Variants in KCNQ1 observed in about 807,000 individuals in gnomAD.
The protein encoded by KCNQ1 is potassium voltage-gated channel subfamily KQT member 1.
Under a neutral mutation model 72.4 loss-of-function variants are expected in KCNQ1, and 49 were observed. The observed-to-expected ratio is 0.68, with a 90% confidence interval of 0.54 to 0.86. The LOEUF is 0.86. KCNQ1 is among the 40% of genes least tolerant of loss of function. The probability of loss-of-function intolerance (pLI) is 0.00; values close to 1 mark genes in which losing one functional copy is unlikely to be tolerated. For synonymous variants in KCNQ1, 450 were observed against 412.6 expected (o/e 1.09, Z -1.10); for missense variants, 790 against 945.1 (o/e 0.84, Z 2.15).
In KCNQ1 at chr11:2,769,651, C is replaced by T. The variant is rs548628946; in HGVS notation, c.1590+732C>T. ...GGTACTGAGTCCTGGCTTGGAAATA[C>T]ATGTGTAGGTGTGGGAACCCCGTAT... On this transcript the variant is annotated intron_variant, in intron 12 of 15. Transcript: ENST00000155840. This position sits in a 1 kb window ranked among gnomAD's most constrained non-coding sequence, Gnocchi z 4.6. 1.3e-5 allele frequency among the ~76,000 whole-genome samples: 2 copies of T among 152,204 alleles called. No individual in the cohort carries two copies. Among genetic ancestry groups the T allele is most frequent in the Admixed American group, 6.5e-5 (1 of 15,284 alleles).
chr11:2,662,499 AG>A (rs1849980049), intron 11 of KCNQ1: 1 of 445,456 alleles, frequency 2.2e-6, no homozygotes, highest in Non-Finnish European at 3.9e-6. Flanking sequence ...TGCTGTCCTC[AG>A]GGGCTCCTTC....
intron 15 of KCNQ1, among the ~76,000 whole-genome samples, chr11:2,795,201 T>C (rs1419701185): frequency 6.6e-6 from 1 of 152,112 alleles, no homozygotes; most frequent in Non-Finnish European, 1.5e-5. Context: ...ACCTCTCGGG[T>C]GCTGTAGGGA....
intron 15 of KCNQ1, among the ~76,000 whole-genome samples, chr11:2,810,858 A>G (rs1847470715): frequency 6.6e-6 from 1 of 152,114 alleles, no homozygotes; most frequent in African/African-American, 2.4e-5. Flanking sequence ...CTTGGGCTCG[A>G]GGTACAGGGC....
chr11:2,618,668 GT>G, intron 10 of KCNQ1: 2 of 398,414 alleles, frequency 5.0e-6, no homozygotes, highest in Non-Finnish European at 4.4e-6. Context: ...TCAGAATTTC[GT>G]TGGCTACTTA....
At chr11:2,528,651 C>T (rs1315050561) in intron 2 of KCNQ1, among the ~76,000 whole-genome samples, 3 of 152,218 alleles carry the variant, frequency 2.0e-5, no homozygotes, top group Non-Finnish European at 4.4e-5. Context: ...GAATGTGGGC[C>T]GTGAGCAGCA....
In KCNQ1 at chr11:2,599,267, C is replaced by T. The variant is rs1439878341; in HGVS notation, c.1393+10413C>T. 6.6e-6 allele frequency among the ~76,000 whole-genome samples: 1 copy of T among 152,112 alleles called. No individual in the cohort carries two copies. The highest frequency in any genetic ancestry group is 1.5e-5 in the Non-Finnish European group (1 of 68,032). On this transcript the variant is annotated intron_variant, in intron 10 of 15. Coordinates refer to ENST00000155840, the MANE Select transcript of KCNQ1 (RefSeq NM_000218.3). The surrounding 1 kb of genome is among the most constrained non-coding windows in gnomAD (Gnocchi z 4.7). The stretch of plus-strand genomic sequence containing the variant: ...CCAAACTCACGGGATCATATCATAC[C>T]TGCTTTCTGCATCTTGTTTTTCTCA...
rs1035995667 is a variant in KCNQ1 at position 2,475,240 on chromosome 11, G to A, written c.386+29756G>A. Among the ~76,000 whole-genome samples, 3 of 152,004 alleles carry A rather than the reference G, an allele frequency of 2.0e-5. No homozygotes were observed. The highest frequency in any genetic ancestry group is 6.6e-5 in the Admixed American group (1 of 15,254). ...TCATGTGCCTGAAATCATGGCAAAC[G>A]TGGCCCTGTGTGTCTGGTTTCCTTC... is the stretch of plus-strand genomic sequence containing the variant. On this transcript the variant is annotated intron_variant, in intron 1 of 15. Transcript: ENST00000155840. The surrounding 1 kb of genome is among the most constrained non-coding windows in gnomAD (Gnocchi z 5.8).
rs534463312 is a variant in KCNQ1, at chr11:2,463,024, G to C, written c.386+17540G>C. Among the ~76,000 whole-genome samples the C allele has an allele frequency of 5.3e-5, 8 of 152,276 alleles. No individual in the cohort carries two copies. The highest frequency in any genetic ancestry group is 1.7e-4 in the African/African-American group (7 of 41,544). On this transcript the variant is annotated intron_variant, in intron 1 of 15. Transcript: ENST00000155840. The surrounding 1 kb of genome is among the most constrained non-coding windows in gnomAD (Gnocchi z 7.0). ...GTAAGCGGGGCAGCGGCGGCAGGGG[G>C]CCCAGGGAAGTGGGGCCAGTCGGGG...
chr11:2,799,360 G>C (rs916942733), intron 15 of KCNQ1, among the ~76,000 whole-genome samples: 5 of 150,278 alleles, frequency 3.3e-5, no homozygotes, highest in Non-Finnish European at 7.4e-5. Flanking sequence ...TTTAACTTCT[G>C]TAGCTGTAAG....
Position 2,457,541 on chromosome 11 carries a change from G to A in KCNQ1, c.386+12057G>A, listed in dbSNP as rs749289972. On this transcript the variant is annotated intron_variant, in intron 1 of 15. Transcript: ENST00000155840. The surrounding 1 kb of genome is among the most constrained non-coding windows in gnomAD (Gnocchi z 5.0). ...GCAGAAACTGAAAACCAAATACTGC[G>A]TGGTCTCATGGATTATAAGTGAGGG... Among the ~76,000 whole-genome samples the A allele has an allele frequency of 3.9e-5, 6 of 152,046 alleles. No homozygotes were observed. The highest frequency in any genetic ancestry group is 6.6e-5 in the Admixed American group (1 of 15,244).
intron 15 of KCNQ1, among the ~76,000 whole-genome samples, chr11:2,807,295 C>T (rs72844287): frequency 0.21 from 31,902 of 152,166 alleles, 4,408 homozygotes; most frequent in Non-Finnish European, 0.31. Flanking sequence ...CTAATTGGCC[C>T]GGGGTCTTCC....
chr11:2,747,222 A>G (rs1846155432), intron 11 of KCNQ1, among the ~76,000 whole-genome samples: 1 of 152,264 alleles, frequency 6.6e-6, no homozygotes, highest in African/African-American at 2.4e-5. Context: ...CTTAGAAAGA[A>G]ATTACCGGAT....
In KCNQ1 at chr11:2,767,280, C is replaced by T. The variant is rs546876693; in HGVS notation, c.1515-1564C>T. Reference sequence around the variant, plus strand: ...GGCTGTTAGCTGAGGCCTCTCTCTTCTCCATGTGGCCTCTCTAATCAGCAA... The same window carrying T: ...GGCTGTTAGCTGAGGCCTCTCTCTTTTCCATGTGGCCTCTCTAATCAGCAA... On this transcript the variant is annotated intron_variant, in intron 11 of 15. Coordinates refer to ENST00000155840, the MANE Select transcript of KCNQ1 (RefSeq NM_000218.3). The surrounding 1 kb of genome is among the most constrained non-coding windows in gnomAD (Gnocchi z 4.6). Among the ~76,000 whole-genome samples, 3 of 152,052 alleles carry T rather than the reference C, an allele frequency of 2.0e-5. No homozygotes were observed. Among genetic ancestry groups the T allele is most frequent in the Non-Finnish European group, 1.5e-5 (1 of 68,010 alleles).
rs1187045814 is a variant in KCNQ1 at position 2,473,850 on chromosome 11, G to T, written c.386+28366G>T. Among the ~76,000 whole-genome samples, 2 of 152,238 alleles carry T rather than the reference G, an allele frequency of 1.3e-5. No individual in the cohort carries two copies. Among genetic ancestry groups the T allele is most frequent in the African/African-American group, 4.8e-5 (2 of 41,466 alleles). On this transcript the variant is annotated intron_variant, in intron 1 of 15. Transcript: ENST00000155840. This position sits in a 1 kb window ranked among gnomAD's most constrained non-coding sequence, Gnocchi z 6.0. ...AGTGGCACCAGCTGGGCAGACAGCC[G>T]CATGCGCTCACCACTCGCCCTCCAC...
At chr11:2,545,733 G>C (rs940052252) in intron 2 of KCNQ1, among the ~76,000 whole-genome samples, 3 of 152,126 alleles carry the variant, frequency 2.0e-5, no homozygotes, top group Non-Finnish European at 4.4e-5. Flanking sequence ...ATTGCTTCTT[G>C]AGTGGGCTTT....
chr11:2,725,591 AG>A lies in KCNQ1; in HGVS notation c.1515-43252del, dbSNP rs1845745363. Among the ~76,000 whole-genome samples the A allele has an allele frequency of 6.6e-6, 1 of 152,188 alleles. No individual in the cohort carries two copies. Among genetic ancestry groups the A allele is most frequent in the African/African-American group, 2.4e-5 (1 of 41,448 alleles). On this transcript the variant is annotated intron_variant, in intron 11 of 15. Coordinates refer to ENST00000155840, the MANE Select transcript of KCNQ1 (RefSeq NM_000218.3). The surrounding 1 kb of genome is among the most constrained non-coding windows in gnomAD (Gnocchi z 7.2). The stretch of plus-strand genomic sequence containing the variant: ...AAGGGCTGCCCCTGGAACCCAAGTC[AG>A]ACTTGCCCTCGCCCCCTTCCCGAAC...
Position 2,602,167 on chromosome 11 carries a change from G to A in KCNQ1, c.1393+13313G>A, listed in dbSNP as rs1848817374. Among the ~76,000 whole-genome samples the A allele has an allele frequency of 6.6e-6, 1 of 152,088 alleles. No homozygotes were observed. Among genetic ancestry groups the A allele is most frequent in the African/African-American group, 2.4e-5 (1 of 41,388 alleles). On this transcript the variant is annotated intron_variant, in intron 10 of 15. Coordinates refer to ENST00000155840, the MANE Select transcript of KCNQ1 (RefSeq NM_000218.3). This position sits in a 1 kb window ranked among gnomAD's most constrained non-coding sequence, Gnocchi z 4.8. ...AGAACGCTTCCAGAAGAAAAGGCAA[G>A]GAAAGGGAAGGGATGCTCCCCTGAA...
At chr11:2,591,411 C>A (rs1848668459) in intron 10 of KCNQ1, among the ~76,000 whole-genome samples, 1 of 152,264 alleles carries the variant, frequency 6.6e-6, no homozygotes, top group African/African-American at 2.4e-5. Context: ...CTCAGTGAGC[C>A]CCCGGGACGT....
chr11:2,561,668 C>T (rs1848169207), intron 2 of KCNQ1, among the ~76,000 whole-genome samples: 1 of 152,254 alleles, frequency 6.6e-6, no homozygotes. Flanking sequence ...GCCCATCCTC[C>T]TCCTGCTTAG....
Sources: allele counts gnomAD v4.1 joint callset (sites outside exome capture counted in the v4.1 genomes callset), GRCh38; gene constraint gnomAD v4.1.1; non-coding constraint Gnocchi (gnomAD v3.1); transcripts MANE v1.5; gene names NCBI Gene and HGNC (gene_info 2026-07-23, HGNC 2026-07-21).